Variants in C20orf96 observed in about 807,000 individuals in gnomAD.
C20orf96 encodes the protein uncharacterized protein C20orf96.
Under a neutral mutation model 52.6 loss-of-function variants are expected in C20orf96, and 57 were observed. The observed-to-expected ratio is 1.08, with a 90% CI of 0.88 to 1.35. The LOEUF is 1.35. C20orf96 is among the 40% of genes most tolerant of loss of function. C20orf96 has a pLI of 0.00. For missense variants in C20orf96, 478 were observed against 443.6 expected, an observed-to-expected ratio of 1.08 and a Z score of -0.70; for synonymous variants, 168 against 157.2, an observed-to-expected ratio of 1.07 and a Z score of -0.51.
At chr20:283,033 T>C (rs931968324) in intron 4 of C20orf96, among the ~76,000 whole-genome samples, 2 of 152,232 alleles carry the variant, frequency 1.3e-5, no homozygotes, top group East Asian at 1.9e-4. Flanking sequence ...CATTGTTCAT[T>C]GAGCTATTAA....
chr20:276,506 A>C, intron 9 of C20orf96: 2 of 985,458 alleles, frequency 2.0e-6, no homozygotes, highest in Non-Finnish European at 2.4e-6. Context: ...ATCAAGGGGT[A>C]AAGATGCACG....
In C20orf96 at chr20:290,746, C is replaced by T; in HGVS notation, c.-136G>A. ...CACTCAGAAGTCCCGAGACCCGATG[C>T]TTTCGCCAGCGTCTCGGTCTCCAAG... On this transcript the variant is annotated 5_prime_UTR_variant, in exon 1 of 11. Coordinates refer to ENST00000360321, the MANE Select transcript of C20orf96 (RefSeq NM_153269.3). The T allele has an allele frequency of 9.5e-7, 1 of 1,051,944 alleles. No homozygotes were observed. The allele number at this position is 1,051,944 out of a possible 1,614,324, so 65.2% of individuals were successfully genotyped here.
intron 3 of C20orf96, among the ~76,000 whole-genome samples, chr20:288,483 G>C (rs983730635): frequency 1.3e-5 from 2 of 152,120 alleles, no homozygotes; most frequent in Non-Finnish European, 2.9e-5. Context: ...CTCTAGGGTA[G>C]TGTCAACAGA....
At chr20:290,507 G>T (rs1443010548) in intron 1 of C20orf96, 84 bp downstream of exon 1, 3 of 1,577,874 alleles carry the variant, frequency 1.9e-6, no homozygotes, top group Non-Finnish European at 2.6e-6. Context: ...ACCTCGAGGC[G>T]AGGGCGGGAC....
At chr20:281,040 T>C (rs548715241) in intron 4 of C20orf96, among the ~76,000 whole-genome samples, 8 of 152,050 alleles carry the variant, frequency 5.3e-5, no homozygotes, top group Non-Finnish European at 1.2e-4. Flanking sequence ...CCTACAGTCC[T>C]AGCTACTCAG....
chr20:279,514 T>C (rs1431325140), intron 4 of C20orf96, among the ~76,000 whole-genome samples, 184 bp from the exon 5 acceptor site: 1 of 152,128 alleles, frequency 6.6e-6, no homozygotes, highest in Non-Finnish European at 1.5e-5. Flanking sequence ...TCCGGGACTC[T>C]CATCCGTTCG....
rs1292698607 is a variant in C20orf96 at position 273,956 on chromosome 20, GAAGA to G, written c.1031+2008_1031+2011del. On this transcript the variant is annotated intron_variant, in intron 10 of 10. Transcript: ENST00000360321. ...GAGGGAGGGGAAAGAAAGAAAGAAG[GAAGA>G]AAGAAAAAGAAAGAAAAGAGAAAGA... Among the ~76,000 whole-genome samples, 42 of 133,638 alleles carry G rather than the reference GAAGA, an allele frequency of 3.1e-4. 1 individual carries two copies. The East Asian group carries it at 7.3e-3, about 23-fold the overall frequency. The allele number at this position is 133,638 out of a possible 152,430, so 87.7% of individuals were successfully genotyped here. A position where few individuals can be genotyped will look rare whatever the true frequency, so the allele number is the denominator to read the frequency against.
chr20:288,158 C>CTT (rs1293490545), intron 3 of C20orf96, among the ~76,000 whole-genome samples: 6 of 89,694 alleles, frequency 6.7e-5, no homozygotes, highest in African/African-American at 2.1e-4. Flanking sequence ...TAAATCATTT[C>CTT]TTTCTTTTTC....
In C20orf96 at chr20:278,221, G is replaced by A. The variant is rs559722543; in HGVS notation, c.565+109C>T. The stretch of plus-strand genomic sequence containing the variant: ...AGCATTCCCATCTGCCAAGAAGAGA[G>A]CCAATGGGGCTGAGGGTTTCTGAAT... On this transcript the variant is annotated intron_variant, in intron 6 of 10. Transcript: ENST00000360321. 4.5e-5 allele frequency: 37 copies of A among 818,646 alleles called. No homozygotes were observed. The East Asian group carries it at 8.8e-4, about 19-fold the overall frequency. 50.7% of individuals were successfully genotyped at this position (818,646 alleles called of 1,614,324 possible).
Position 283,948 on chromosome 20 carries a change from A to C in C20orf96, c.306+15T>G, listed in dbSNP as rs148589466. ...CTGTCCTGGGCCCAGTGTCCAGGGAAGATGTGCCTCATACCTTCATTAACC... is the reference window on the plus strand; with the variant it reads ...CTGTCCTGGGCCCAGTGTCCAGGGACGATGTGCCTCATACCTTCATTAACC... On this transcript the variant is annotated intron_variant, in intron 4 of 10. Coordinates refer to ENST00000360321, the MANE Select transcript of C20orf96 (RefSeq NM_153269.3). 4.3e-4 allele frequency: 668 copies of C among 1,559,194 alleles called. No homozygotes were observed. The African/African-American group carries it at 8.4e-3, about 20-fold the overall frequency.
At position 290,300 on chromosome 20, in the gene C20orf96, G is replaced by A; in HGVS notation, c.28C>T (p.His10Tyr). Reference sequence around the variant, plus strand: ...TGGACTATGGAGTGAGTCCCAGAGTGCTTGGGTCTGGAAAGAGTTGGGAAG... The same window carrying A: ...TGGACTATGGAGTGAGTCCCAGAGTACTTGGGTCTGGAAAGAGTTGGGAAG... MAHVLQKPK[H>Y]SGTHSIVQEF... The change falls in exon 2 of 11, where the codon CAC (histidine) becomes TAC (tyrosine). Residue 10 changes from histidine (H) to tyrosine (Y), a missense_variant. Transcript: ENST00000360321. The A allele has an allele frequency of 6.2e-7, 1 of 1,612,904 alleles. No homozygotes were observed. The highest frequency in any genetic ancestry group is 1.1e-5 in the South Asian group (1 of 90,696).
At chr20:283,897 G>A in intron 4 of C20orf96, 66 bp downstream of exon 4, 2 of 1,149,088 alleles carry the variant, frequency 1.7e-6, no homozygotes, top group Non-Finnish European at 1.3e-6. Flanking sequence ...CTCAGCACAT[G>A]TTTGCTACAG....
At position 290,317 on chromosome 20, in the gene C20orf96, G is replaced by A; in HGVS notation, c.21-10C>T. The stretch of plus-strand genomic sequence containing the variant: ...CCCAGAGTGCTTGGGTCTGGAAAGA[G>A]TTGGGAAGGGAAAGAACTTCCATTA... On this transcript the variant is annotated splice_polypyrimidine_tract_variant and intron_variant, in intron 1 of 10. Transcript: ENST00000360321. 1 of 1,612,594 alleles carries A rather than the reference G, an allele frequency of 6.2e-7. No homozygotes were observed. Among genetic ancestry groups the A allele is most frequent in the Non-Finnish European group, 8.5e-7 (1 of 1,179,304 alleles).
At chr20:278,522 C>T in intron 5 of C20orf96, 93 bp from the exon 6 acceptor site, 1 of 877,084 alleles carries the variant, frequency 1.1e-6, no homozygotes, top group Non-Finnish European at 1.9e-6. Context: ...CCAGTCCCAA[C>T]CTCACTCCCA....
Position 290,584 on chromosome 20 carries a change from T to TTTTTTTTTTA in C20orf96, c.20+6_20+7insTAAAAAAAAA, listed in dbSNP as rs3835237. On this transcript the variant is annotated splice_region_variant and intron_variant, in intron 1 of 10. Transcript: ENST00000360321. The stretch of plus-strand genomic sequence containing the variant: ...TCCAATTTTTTTTTTTTTTTTTTTT[T>TTTTTTTTTTA]ACCTACTTTTGTAAGACATGCGCCA... The TTTTTTTTTTA allele has an allele frequency of 1.9e-6, 3 of 1,554,412 alleles. No individual in the cohort carries two copies. Among genetic ancestry groups the TTTTTTTTTTA allele is most frequent in the African/African-American group, 1.6e-5 (1 of 64,508 alleles).
In C20orf96 at chr20:276,495, A is replaced by T. The variant is rs73572416; in HGVS notation, c.912+298T>A. 241 of 985,442 alleles carry T rather than the reference A, an allele frequency of 2.4e-4. No homozygotes were observed. The African/African-American group carries it at 4.0e-3, about 17-fold the overall frequency. The allele number at this position is 985,442 out of a possible 1,614,324, so 61.0% of individuals were successfully genotyped here. A position where few individuals can be genotyped will look rare whatever the true frequency, so the allele number is the denominator to read the frequency against. On this transcript the variant is annotated intron_variant, in intron 9 of 10. Coordinates refer to ENST00000360321, the MANE Select transcript of C20orf96 (RefSeq NM_153269.3). ...ATAATGGGTGGTGGGCAGTAACAAG[A>T]ATCAAGGGGTAAAGATGCACGGTGG...
At chr20:276,688 C>G in intron 9 of C20orf96, 105 bp downstream of exon 9, 1 of 1,521,898 alleles carries the variant, frequency 6.6e-7, no homozygotes, top group African/African-American at 1.4e-5. Flanking sequence ...AGTCAGAGAC[C>G]TCCTGAGCGC....
At chr20:290,356 G>A (rs2012507259) in intron 1 of C20orf96, 49 bp from the exon 2 acceptor site, 2 of 1,604,294 alleles carry the variant, frequency 1.2e-6, no homozygotes, top group African/African-American at 1.3e-5. Flanking sequence ...CCAGCCCAAG[G>A]GGCAGCAAGC....
chr20:271,290 G>A (rs751843324), intron 10 of C20orf96, 23 bp from the exon 11 acceptor site: 1 of 1,541,916 alleles, frequency 6.5e-7, no homozygotes, highest in Non-Finnish European at 8.8e-7. Context: ...AGCACAGAAG[G>A]CCATGAGAGA....
Sources: allele counts gnomAD v4.1 joint callset (sites outside exome capture counted in the v4.1 genomes callset), GRCh38; gene constraint gnomAD v4.1.1; transcripts MANE v1.5; gene names NCBI Gene and HGNC (gene_info 2026-07-23, HGNC 2026-07-21).